PRKN: variants seen among roughly 807,000 people sequenced by gnomAD.
The protein encoded by PRKN is parkin RBR E3 ubiquitin protein ligase, also known as E3 ubiquitin-protein ligase parkin.
A neutral mutation model predicts 59.5 loss-of-function variants in PRKN; 56 were observed. That is an observed-to-expected ratio of 0.94 (90% CI 0.76 to 1.18). PRKN has a LOEUF of 1.18. Ranked by LOEUF, PRKN falls within the 50% of genes most tolerant of loss-of-function variation. The probability of loss-of-function intolerance (pLI) is 0.00; values close to 1 mark genes in which losing one functional copy is unlikely to be tolerated. For missense variants in PRKN, 657 were observed against 596.4 expected, an observed-to-expected ratio of 1.10 and a Z score of -1.06; for synonymous variants, 250 against 222.1, an observed-to-expected ratio of 1.13 and a Z score of -1.12.
chr6:162,406,960 A>C (rs926429069), intron 2 of PRKN, among the ~76,000 whole-genome samples: 1 of 152,122 alleles, frequency 6.6e-6, no homozygotes, highest in African/African-American at 2.4e-5. Context: ...TTTAAGAGCC[A>C]TAATAATGTT....
At position 161,943,694 on chromosome 6, in the gene PRKN, CCCTGAGGGATCAG is replaced by C. The variant is rs1375144737; in HGVS notation, c.734+29595_734+29607del. On this transcript the variant is annotated intron_variant, in intron 6 of 11. Transcript: ENST00000366898. ...GGTGAGGCATCAGCCTGAGGAAATA[CCCTGAGGGATCAG>C]CCTGAGGGATCAGCCTGAGGAAATA... Among the ~76,000 whole-genome samples the C allele has an allele frequency of 2.9e-4, 43 of 147,340 alleles. 1 individual carries two copies. The East Asian group carries it at 3.3e-3, about 11-fold the overall frequency.
chr6:162,277,727 A>C (rs1304317559), intron 2 of PRKN, among the ~76,000 whole-genome samples: 2 of 152,214 alleles, frequency 1.3e-5, no homozygotes, highest in African/African-American at 4.8e-5. Context: ...AATTAACGCA[A>C]GATACCACTA....
rs1784893352 is a variant in PRKN, at chr6:161,359,467, T to C, written c.1285+621A>G. Reference sequence around the variant, plus strand: ...GCGCCTGGCTTCGTGTCATTGCTCATCTGTGATGGTGCCGCTGACTCTGCC... The same window carrying C: ...GCGCCTGGCTTCGTGTCATTGCTCACCTGTGATGGTGCCGCTGACTCTGCC... On this transcript the variant is annotated intron_variant, in intron 11 of 11. Coordinates refer to ENST00000366898, the MANE Select transcript of PRKN (RefSeq NM_004562.3). This position sits in a 1 kb window ranked among gnomAD's most constrained non-coding sequence, Gnocchi z 5.4. Among the ~76,000 whole-genome samples, 2 of 152,186 alleles carry C rather than the reference T, an allele frequency of 1.3e-5. No individual in the cohort carries two copies. The highest frequency in any genetic ancestry group is 6.5e-5 in the Admixed American group (1 of 15,286).
rs978588286 is a variant in PRKN, at chr6:162,056,545, G to A, written c.535-2371C>T. On this transcript the variant is annotated intron_variant, in intron 4 of 11. Transcript: ENST00000366898. The surrounding 1 kb of genome is among the most constrained non-coding windows in gnomAD (Gnocchi z 4.9). ...ACCGATCATTAATCCAAAGGCCACCGCTTAATATGGAGGTAAATTTGCAGA... is the reference window on the plus strand; with the variant it reads ...ACCGATCATTAATCCAAAGGCCACCACTTAATATGGAGGTAAATTTGCAGA... Among the ~76,000 whole-genome samples, 13 of 152,152 alleles carry A rather than the reference G, an allele frequency of 8.5e-5. No homozygotes were observed. Among genetic ancestry groups the A allele is most frequent in the African/African-American group, 2.7e-4 (11 of 41,428 alleles).
intron 1 of PRKN, among the ~76,000 whole-genome samples, chr6:162,476,144 G>A (rs149587013): frequency 1.0e-3 from 149 of 145,776 alleles, no homozygotes; most frequent in African/African-American, 3.5e-3. Flanking sequence ...TGCAACCTCC[G>A]CCTCTCGGTT....
chr6:162,609,812 G>C (rs944907115), intron 1 of PRKN, among the ~76,000 whole-genome samples: 2 of 152,150 alleles, frequency 1.3e-5, no homozygotes, highest in African/African-American at 4.8e-5. Context: ...CACTAGGTTA[G>C]TACCAGTGAT....
intron 6 of PRKN, among the ~76,000 whole-genome samples, chr6:161,907,194 A>C (rs1386141318): frequency 1.3e-5 from 2 of 152,130 alleles, no homozygotes; most frequent in African/African-American, 4.8e-5. Flanking sequence ...TAAAGGATAC[A>C]CTTCTGTATT....
At chr6:162,715,978 C>A (rs556222170) in intron 1 of PRKN, among the ~76,000 whole-genome samples, 14 of 152,356 alleles carry the variant, frequency 9.2e-5, no homozygotes, top group Admixed American at 3.3e-4. Flanking sequence ...ATGAAGCGTA[C>A]CTCCATGATA....
chr6:161,497,554 GTCTCTCTC>G lies in PRKN; in HGVS notation c.1083+51292_1083+51299del, dbSNP rs34342732. Among the ~76,000 whole-genome samples the G allele has an allele frequency of 1.7e-4, 26 of 148,686 alleles. No individual in the cohort carries two copies. Among genetic ancestry groups the G allele is most frequent in the Admixed American group, 4.7e-4 (7 of 14,920 alleles). On this transcript the variant is annotated intron_variant, in intron 9 of 11. Coordinates refer to ENST00000366898, the MANE Select transcript of PRKN (RefSeq NM_004562.3). This position sits in a 1 kb window ranked among gnomAD's most constrained non-coding sequence, Gnocchi z 4.6. ...CTGTGTGTGTGCACAGTGCTTACAT[GTCTCTCTC>G]TCTCTCTCTCTCTCTCACACACACA... is the stretch of plus-strand genomic sequence containing the variant.
chr6:161,750,602 T>C lies in PRKN; in HGVS notation c.871+35170A>G, dbSNP rs574502671. On this transcript the variant is annotated intron_variant, in intron 7 of 11. Coordinates refer to ENST00000366898, the MANE Select transcript of PRKN (RefSeq NM_004562.3). ...GACCAACATGGTGAAAACCCGTCTC[T>C]ACTAAAAGTACAAAAGTAGACAGGC... is the stretch of plus-strand genomic sequence containing the variant. Among the ~76,000 whole-genome samples, 12 of 152,008 alleles carry C rather than the reference T, an allele frequency of 7.9e-5. No homozygotes were observed. The South Asian group carries it at 2.5e-3, about 32-fold the overall frequency.
intron 1 of PRKN, among the ~76,000 whole-genome samples, chr6:162,640,799 G>T (rs1208920615): frequency 6.6e-6 from 1 of 152,138 alleles, no homozygotes; most frequent in Non-Finnish European, 1.5e-5. Flanking sequence ...CATAATGCTG[G>T]TACAGGCCTT....
intron 6 of PRKN, among the ~76,000 whole-genome samples, chr6:161,885,693 A>T (rs9346887): frequency 1.3e-5 from 2 of 149,256 alleles, no homozygotes; most frequent in Non-Finnish European, 3.0e-5. Flanking sequence ...AGAATGTCTG[A>T]GCCCTCCTGT....
rs981720365 is a variant in PRKN at position 161,621,728 on chromosome 6, G to A, written c.872-52312C>T. On this transcript the variant is annotated intron_variant, in intron 7 of 11. Coordinates refer to ENST00000366898, the MANE Select transcript of PRKN (RefSeq NM_004562.3). The stretch of plus-strand genomic sequence containing the variant: ...ACACCTAAAATTAACCATTACAGCC[G>A]CACATTTTGGTTCATAGGAAAGAAC... Among the ~76,000 whole-genome samples the A allele has an allele frequency of 4.6e-5, 7 of 151,904 alleles. No homozygotes were observed. The South Asian group carries it at 6.2e-4, about 13-fold the overall frequency.
intron 4 of PRKN, among the ~76,000 whole-genome samples, chr6:162,168,415 G>A (rs1783089238): frequency 6.6e-6 from 1 of 151,524 alleles, no homozygotes; most frequent in African/African-American, 2.4e-5. Context: ...CTAAATTAAA[G>A]TTCATACTGG....
At chr6:162,191,091 A>G (rs1291120025) in intron 4 of PRKN, among the ~76,000 whole-genome samples, 4 of 152,240 alleles carry the variant, frequency 2.6e-5, no homozygotes, top group Non-Finnish European at 5.9e-5. Context: ...ATAGAACAGC[A>G]GGGTTTCCAC....
intron 10 of PRKN, among the ~76,000 whole-genome samples, chr6:161,366,299 G>A (rs548749827): frequency 1.2e-4 from 19 of 152,260 alleles, no homozygotes; most frequent in African/African-American, 4.6e-4. Context: ...GGGCAGCAGC[G>A]TGGGTTAAGA....
chr6:161,967,431 G>A (rs1322841002), intron 6 of PRKN, among the ~76,000 whole-genome samples: 1 of 152,140 alleles, frequency 6.6e-6, no homozygotes, highest in Non-Finnish European at 1.5e-5. Flanking sequence ...TCAGAGCCTT[G>A]GAGATGACCT....
intron 7 of PRKN, among the ~76,000 whole-genome samples, chr6:161,777,799 T>C (rs1020198516): frequency 2.8e-5 from 4 of 141,220 alleles, no homozygotes; most frequent in Admixed American, 7.1e-5. Context: ...ATATGATATA[T>C]GTATATATGT....
chr6:161,639,627 C>T (rs1783663928), intron 7 of PRKN, among the ~76,000 whole-genome samples: 1 of 152,194 alleles, frequency 6.6e-6, no homozygotes, highest in African/African-American at 2.4e-5. Context: ...ACAGCCCAGC[C>T]CCGATCCAGC....
Sources: allele counts gnomAD v4.1 joint callset (sites outside exome capture counted in the v4.1 genomes callset), GRCh38; gene constraint gnomAD v4.1.1; non-coding constraint Gnocchi (gnomAD v3.1); transcripts MANE v1.5; gene names NCBI Gene and HGNC (gene_info 2026-07-23, HGNC 2026-07-21).